Variants in SPOCK3 observed in about 807,000 individuals in gnomAD.
SPOCK3 encodes the protein SPARC (osteonectin), cwcv and kazal like domains proteoglycan 3, also known as testican-3.
In SPOCK3, 30 loss-of-function variants were observed where a neutral mutation model predicts 56.6. That is an observed-to-expected ratio of 0.53 (90% CI 0.40 to 0.72). The LOEUF is 0.72. Ranked by LOEUF, SPOCK3 falls within the 30% of genes least tolerant of loss-of-function variation. The pLI is 0.00. For synonymous variants in SPOCK3, 196 were observed against 183.3 expected (o/e 1.07, Z -0.56); for missense variants, 527 against 530.0 (o/e 0.99, Z 0.06).
intron 3 of SPOCK3, chr4:167,011,144 A>C (rs1414506524): frequency 5.8e-6 from 2 of 343,738 alleles, no homozygotes; most frequent in Non-Finnish European, 1.2e-5. Context: ...AAAACCTCTT[A>C]AGGGTTCTTG....
chr4:166,816,579 A>G (rs1312189783), intron 6 of SPOCK3, among the ~76,000 whole-genome samples: 1 of 152,022 alleles, frequency 6.6e-6, no homozygotes, highest in Non-Finnish European at 1.5e-5. Context: ...TCCTCTGGAG[A>G]CACATAATAT....
intron 4 of SPOCK3, among the ~76,000 whole-genome samples, chr4:166,997,240 G>A (rs1352645934): frequency 6.6e-6 from 1 of 151,936 alleles, no homozygotes; most frequent in Non-Finnish European, 1.5e-5. Context: ...AGGCTGATAG[G>A]TGCAGTAAAC....
At chr4:166,975,894 C>T (rs1278064760) in intron 4 of SPOCK3, among the ~76,000 whole-genome samples, 3 of 152,040 alleles carry the variant, frequency 2.0e-5, no homozygotes, top group Non-Finnish European at 2.9e-5. Flanking sequence ...ATATGTACCA[C>T]ATTTTCTTGA....
intron 6 of SPOCK3, among the ~76,000 whole-genome samples, chr4:166,875,414 T>C (rs901056116): frequency 6.6e-6 from 1 of 152,134 alleles, no homozygotes; most frequent in African/African-American, 2.4e-5. Flanking sequence ...ATTATTGCTG[T>C]CTACAATATT....
intron 3 of SPOCK3, among the ~76,000 whole-genome samples, chr4:167,035,718 C>T (rs763132049): frequency 6.6e-6 from 1 of 152,142 alleles, no homozygotes; most frequent in African/African-American, 2.4e-5. Flanking sequence ...AGAACCCTAG[C>T]GTGAACCTAT....
chr4:166,871,044 A>G (rs1732413621), intron 6 of SPOCK3, among the ~76,000 whole-genome samples: 1 of 152,208 alleles, frequency 6.6e-6, no homozygotes, highest in East Asian at 1.9e-4. Context: ...CTCCCCAGCC[A>G]TGTGGAATCG....
At chr4:166,919,714 G>GT (rs2149973702) in intron 4 of SPOCK3, among the ~76,000 whole-genome samples, 1 of 152,204 alleles carries the variant, frequency 6.6e-6, no homozygotes, top group South Asian at 2.1e-4. Context: ...ATTACCAGGA[G>GT]TTATAATGGA....
intron 2 of SPOCK3, among the ~76,000 whole-genome samples, chr4:167,155,597 C>T (rs546458806): frequency 6.2e-4 from 94 of 152,290 alleles, no homozygotes; most frequent in African/African-American, 2.1e-3. Context: ...ATTGAACACA[C>T]TTTTAATTCA....
At chr4:166,890,435 A>G (rs769170098) in intron 5 of SPOCK3, among the ~76,000 whole-genome samples, 2 of 151,876 alleles carry the variant, frequency 1.3e-5, no homozygotes, top group African/African-American at 2.4e-5. Context: ...AGTAGCTATC[A>G]TGAACCAGGC....
chr4:167,062,417 A>G, intron 3 of SPOCK3, 75 bp downstream of exon 3: 3 of 1,158,588 alleles, frequency 2.6e-6, no homozygotes, highest in Non-Finnish European at 3.8e-6. Context: ...CTAACCAGAC[A>G]GTAAATATCA....
chr4:166,916,076 C>G (rs939104981), intron 4 of SPOCK3, among the ~76,000 whole-genome samples: 3 of 152,044 alleles, frequency 2.0e-5, no homozygotes, highest in Admixed American at 1.3e-4. Flanking sequence ...TAACTGCATC[C>G]TATACAGGGT....
intron 4 of SPOCK3, among the ~76,000 whole-genome samples, chr4:166,994,209 A>T (rs1014272831): frequency 2.0e-5 from 3 of 152,196 alleles, no homozygotes; most frequent in African/African-American, 7.2e-5. Context: ...AAAAAATAGT[A>T]ATAGCTAACC....
At chr4:167,222,027 T>G (rs972656710) in intron 2 of SPOCK3, among the ~76,000 whole-genome samples, 1 of 152,160 alleles carries the variant, frequency 6.6e-6, no homozygotes, top group Non-Finnish European at 1.5e-5. Context: ...GCAGCATTAT[T>G]TACAATAGCA....
At chr4:166,977,279 A>G (rs2150085026) in intron 4 of SPOCK3, among the ~76,000 whole-genome samples, 1 of 152,260 alleles carries the variant, frequency 6.6e-6, no homozygotes, top group East Asian at 1.9e-4. Flanking sequence ...ACTTATTTTT[A>G]AAGGTCTTGT....
At chr4:166,856,723 G>A (rs1386745120) in intron 6 of SPOCK3, among the ~76,000 whole-genome samples, 6 of 151,942 alleles carry the variant, frequency 3.9e-5, no homozygotes, top group South Asian at 2.1e-4. Context: ...GCATTGAGCC[G>A]AGATCTTGCC....
intron 3 of SPOCK3, among the ~76,000 whole-genome samples, chr4:167,032,550 T>C (rs1752371914): frequency 6.6e-6 from 1 of 151,882 alleles, no homozygotes; most frequent in African/African-American, 2.4e-5. Context: ...AAAAAGTATC[T>C]TATGTCACTC....
chr4:166,877,989 C>G (rs1307643210), intron 6 of SPOCK3, among the ~76,000 whole-genome samples: 1 of 151,934 alleles, frequency 6.6e-6, no homozygotes, highest in Non-Finnish European at 1.5e-5. Flanking sequence ...AAGATATAAA[C>G]AAAATGGCCG....
chr4:166,754,810 T>G, intron 7 of SPOCK3, 81 bp from the exon 8 acceptor site: 1 of 1,263,166 alleles, frequency 7.9e-7, no homozygotes, highest in South Asian at 1.3e-5. Flanking sequence ...ACATAGCAGG[T>G]AGCTAGTGTA....
chr4:167,025,051 G>A (rs73861922), intron 3 of SPOCK3, among the ~76,000 whole-genome samples: 4 of 151,962 alleles, frequency 2.6e-5, no homozygotes, highest in African/African-American at 9.7e-5. Context: ...ATAAGATGCA[G>A]CAGGAGAGCT....
Sources: gnomAD v4.1 joint callset for allele counts (sites outside exome capture counted in the v4.1 genomes callset) on GRCh38, gnomAD v4.1.1 for gene constraint, MANE v1.5 for transcripts, NCBI Gene and HGNC (gene_info 2026-07-23, HGNC 2026-07-21) for gene names.